Variants in DSCAM observed in about 807,000 individuals in gnomAD.
DSCAM encodes cell adhesion molecule DSCAM.
Under a neutral mutation model 217.7 loss-of-function variants are expected in DSCAM, and 47 were observed. The ratio of observed to expected loss-of-function variants is 0.22; its 90% CI spans 0.17 to 0.28. The LOEUF is 0.28. DSCAM is among the 10% of genes least tolerant of loss of function. The probability of loss-of-function intolerance (pLI) is 1.00; values close to 1 mark genes in which losing one functional copy is unlikely to be tolerated. For synonymous variants in DSCAM, 1,056 were observed against 1,015.3 expected (o/e 1.04, Z -0.76); for missense variants, 2,080 against 2,618.3 (o/e 0.79, Z 4.49).
chr21:40,207,101 T>C (rs1314458367), intron 11 of DSCAM, among the ~76,000 whole-genome samples: 1 of 152,088 alleles, frequency 6.6e-6, no homozygotes, highest in Non-Finnish European at 1.5e-5. Context: ...GAAAACAAAA[T>C]TTTTAAAAAG....
chr21:40,271,570 A>C (rs1470851795), intron 11 of DSCAM, among the ~76,000 whole-genome samples: 2 of 152,182 alleles, frequency 1.3e-5, no homozygotes, highest in African/African-American at 4.8e-5. Context: ...CTGTGAAAGG[A>C]AATTAAATTT....
At chr21:40,552,511 G>T (rs1013840565) in intron 3 of DSCAM, among the ~76,000 whole-genome samples, 2 of 152,136 alleles carry the variant, frequency 1.3e-5, no homozygotes, top group African/African-American at 4.8e-5. Context: ...TGCAGTGTGG[G>T]AAACATCTAG....
chr21:40,694,599 T>C (rs921892121), intron 2 of DSCAM, among the ~76,000 whole-genome samples: 9 of 152,106 alleles, frequency 5.9e-5, no homozygotes, highest in Non-Finnish European at 1.3e-4. Context: ...CATTATTGTA[T>C]CTAACCAGAG....
At chr21:40,507,170 G>A (rs188424985) in intron 3 of DSCAM, among the ~76,000 whole-genome samples, 7 of 152,174 alleles carry the variant, frequency 4.6e-5, no homozygotes, top group African/African-American at 1.4e-4. Context: ...CCAGCTACTC[G>A]GGAAGCTGAG....
At chr21:40,253,253 C>T (rs1228610739) in intron 11 of DSCAM, among the ~76,000 whole-genome samples, 1 of 152,114 alleles carries the variant, frequency 6.6e-6, no homozygotes, top group East Asian at 1.9e-4. Flanking sequence ...TGTTATTTAC[C>T]TCTTTATCAT....
chr21:40,559,791 T>C (rs1272844233), intron 3 of DSCAM, among the ~76,000 whole-genome samples: 2 of 147,012 alleles, frequency 1.4e-5, no homozygotes, highest in African/African-American at 2.5e-5. Context: ...TCTGTCTTTT[T>C]TTTTTTTTTT....
At position 40,540,105 on chromosome 21, in the gene DSCAM, C is replaced by T. The variant is rs1490162090; in HGVS notation, c.508+152705G>A. On this transcript the variant is annotated intron_variant, in intron 3 of 32. Coordinates refer to ENST00000400454, the MANE Select transcript of DSCAM (RefSeq NM_001389.5). ...ATATCTTTATTAGAATTAATGAGCTCTTAACACACAATGACTAATTATCAA... is the reference window on the plus strand; with the variant it reads ...ATATCTTTATTAGAATTAATGAGCTTTTAACACACAATGACTAATTATCAA... Among the ~76,000 whole-genome samples, 9 of 152,132 alleles carry T rather than the reference C, an allele frequency of 5.9e-5. No homozygotes were observed. The South Asian group carries it at 8.3e-4, about 14-fold the overall frequency.
At chr21:40,266,329 T>C (rs1569031645) in intron 11 of DSCAM, among the ~76,000 whole-genome samples, 1 of 152,056 alleles carries the variant, frequency 6.6e-6, no homozygotes, top group African/African-American at 2.4e-5. Context: ...AGAATGGCCA[T>C]TATTAAAAAG....
At chr21:40,752,463 C>T (rs2091238641) in intron 1 of DSCAM, among the ~76,000 whole-genome samples, 1 of 152,132 alleles carries the variant, frequency 6.6e-6, no homozygotes, top group Admixed American at 6.5e-5. Context: ...TAATATCTGA[C>T]AATTTGGCAA....
chr21:40,077,257 G>C (rs916915587), intron 26 of DSCAM, among the ~76,000 whole-genome samples: 4 of 152,178 alleles, frequency 2.6e-5, no homozygotes, highest in African/African-American at 9.6e-5. Flanking sequence ...CTACAGCCCT[G>C]AGACCCAGGC....
intron 28 of DSCAM, 57 bp downstream of exon 28, chr21:40,062,812 C>A: frequency 6.7e-7 from 1 of 1,489,866 alleles, no homozygotes; most frequent in South Asian, 1.3e-5. Context: ...ATCATCAAGG[C>A]AAGTTGGAAA....
At chr21:40,099,098 T>G (rs1263438997) in intron 20 of DSCAM, among the ~76,000 whole-genome samples, 2 of 152,216 alleles carry the variant, frequency 1.3e-5, no homozygotes, top group African/African-American at 4.8e-5. Context: ...TACTGAACAT[T>G]AAGCATCAGG....
At chr21:40,802,525 C>A (rs2091751051) in intron 1 of DSCAM, among the ~76,000 whole-genome samples, 1 of 152,308 alleles carries the variant, frequency 6.6e-6, no homozygotes, top group Admixed American at 6.5e-5. Flanking sequence ...CCCTCTGAAA[C>A]TAATGTTGAA....
At chr21:40,599,478 A>C (rs1319015058) in intron 3 of DSCAM, among the ~76,000 whole-genome samples, 1 of 152,184 alleles carries the variant, frequency 6.6e-6, no homozygotes. Context: ...AGGGAAATTT[A>C]TAGCACTAAA....
At chr21:40,362,785 TTC>T (rs1162223237) in intron 4 of DSCAM, among the ~76,000 whole-genome samples, 4 of 152,204 alleles carry the variant, frequency 2.6e-5, no homozygotes, top group African/African-American at 9.6e-5. Flanking sequence ...AGATTCTTCT[TTC>T]TTTCTTTATA....
chr21:40,380,968 C>A (rs2075015193), intron 3 of DSCAM, among the ~76,000 whole-genome samples: 1 of 142,570 alleles, frequency 7.0e-6, no homozygotes, highest in African/African-American at 2.6e-5. Flanking sequence ...GAGGCTGAGG[C>A]AGGAGAATGG....
chr21:40,050,208 G>A (rs540225881), intron 30 of DSCAM, among the ~76,000 whole-genome samples: 1 of 152,172 alleles, frequency 6.6e-6, no homozygotes, highest in East Asian at 1.9e-4. Context: ...TAGGCACCAG[G>A]TGATTCTGAT....
At chr21:40,728,284 C>T (rs1392360617) in intron 1 of DSCAM, among the ~76,000 whole-genome samples, 1 of 152,174 alleles carries the variant, frequency 6.6e-6, no homozygotes, top group Non-Finnish European at 1.5e-5. Flanking sequence ...ACAATAGTTT[C>T]TAGCATGTAG....
At chr21:40,545,579 C>G (rs1442396958) in intron 3 of DSCAM, among the ~76,000 whole-genome samples, 5 of 151,982 alleles carry the variant, frequency 3.3e-5, no homozygotes, top group Non-Finnish European at 7.4e-5. Flanking sequence ...GACCTTTGCA[C>G]CTGCCACTGA....
Sources: allele counts gnomAD v4.1 joint callset (sites outside exome capture counted in the v4.1 genomes callset), GRCh38; gene constraint gnomAD v4.1.1; transcripts MANE v1.5; gene names NCBI Gene and HGNC (gene_info 2026-07-23, HGNC 2026-07-21).